Variants in CAST observed in about 807,000 individuals in gnomAD.
CAST encodes MIR583 host.
Under a neutral mutation model 119.6 loss-of-function variants are expected in CAST, and 76 were observed. The observed-to-expected ratio is 0.64, with a 90% CI of 0.53 to 0.77. The LOEUF (loss-of-function observed/expected upper bound fraction) is 0.77. CAST is among the 30% of genes least tolerant of loss of function. The probability of loss-of-function intolerance (pLI) is 0.00; values close to 1 mark genes in which losing one functional copy is unlikely to be tolerated. For missense variants in CAST, 953 were observed against 946.5 expected (o/e 1.01, Z -0.09); for synonymous variants, 319 against 331.6 (o/e 0.96, Z 0.41).
At chr5:96,004,293 C>G in the CAST span, among the ~76,000 whole-genome samples, 2 of 152,156 alleles carry the variant, frequency 1.3e-5, no homozygotes, top group Non-Finnish European at 1.5e-5. Context: ...ATGTTTATGG[C>G]TAATTTTAGC....
At chr5:96,144,750 CT>C in the CAST span, among the ~76,000 whole-genome samples, 1 of 151,808 alleles carries the variant, frequency 6.6e-6, no homozygotes, top group African/African-American at 2.4e-5. Flanking sequence ...TCACTACAAC[CT>C]CTGGGTTCAA....
chr5:96,686,481 G>A (rs890679581), intron 2 of CAST, among the ~76,000 whole-genome samples: 1 of 152,148 alleles, frequency 6.6e-6, no homozygotes, highest in Non-Finnish European at 1.5e-5. Flanking sequence ...AGTGTGGGGG[G>A]TGCAGGAAGA....
chr5:96,328,387 CT>C, the CAST span, among the ~76,000 whole-genome samples: 2 of 83,118 alleles, frequency 2.4e-5, no homozygotes, highest in Non-Finnish European at 4.3e-5. Context: ...CTCTCCCTCT[CT>C]CTCTCTCTCT....
the CAST span, among the ~76,000 whole-genome samples, chr5:96,094,404 A>C: frequency 6.6e-6 from 1 of 151,970 alleles, no homozygotes; most frequent in Non-Finnish European, 1.5e-5. Context: ...AGGACTGCAA[A>C]TCTTTTACAG....
At chr5:96,486,160 T>C in the CAST span, among the ~76,000 whole-genome samples, 1 of 152,044 alleles carries the variant, frequency 6.6e-6, no homozygotes, top group Non-Finnish European at 1.5e-5. Context: ...AGAGAGATAA[T>C]GAAAAACACT....
the CAST span, chr5:95,962,135 G>A: frequency 5.7e-6 from 2 of 352,318 alleles, no homozygotes; most frequent in Non-Finnish European, 1.0e-5. Context: ...GGCTGGCTTG[G>A]GGACTCCCCT....
At chr5:96,523,506 C>G (rs1244883914), upstream of CAST, among the ~76,000 whole-genome samples, 2 of 152,254 alleles carry the variant, frequency 1.3e-5, no homozygotes, top group African/African-American at 2.4e-5. Context: ...GTGTGCCCGA[C>G]TCTCTCTTTG....
upstream of CAST, chr5:96,662,304 C>T (rs982624915): frequency 1.7e-6 from 2 of 1,206,188 alleles, no homozygotes; most frequent in Non-Finnish European, 2.1e-6. Context: ...TTTCATCGCC[C>T]GCTCCCGGGC....
At chr5:95,969,737 T>C in the CAST span, among the ~76,000 whole-genome samples, 1 of 152,114 alleles carries the variant, frequency 6.6e-6, no homozygotes, top group Non-Finnish European at 1.5e-5. Flanking sequence ...AAGATAATAT[T>C]ATATGAAAAG....
At chr5:96,155,712 C>T in the CAST span, among the ~76,000 whole-genome samples, 1 of 152,156 alleles carries the variant, frequency 6.6e-6, no homozygotes. Context: ...CAGACTGAGT[C>T]CCATTTCTCC....
intron 1 of CAST, among the ~76,000 whole-genome samples, chr5:96,672,706 C>CAA (rs11427288): frequency 0.26 from 15,002 of 58,128 alleles, 2,414 homozygotes; most frequent in East Asian, 0.54. Flanking sequence ...GACTCAGTCT[C>CAA]AAAAAAAAAA....
the CAST span, among the ~76,000 whole-genome samples, chr5:96,498,913 C>G: frequency 6.6e-6 from 1 of 151,782 alleles, no homozygotes; most frequent in Non-Finnish European, 1.5e-5. Context: ...TATGGAGGAC[C>G]ATTCTTCTTC....
At chr5:96,564,693 C>G (rs1248117620) in intron 1 of CAST, among the ~76,000 whole-genome samples, 1 of 152,226 alleles carries the variant, frequency 6.6e-6, no homozygotes, top group Non-Finnish European at 1.5e-5. Context: ...CCGAGGTAGG[C>G]AGATCACTTG....
At chr5:95,982,267 C>T in the CAST span, among the ~76,000 whole-genome samples, 5 of 152,078 alleles carry the variant, frequency 3.3e-5, no homozygotes, top group Non-Finnish European at 7.4e-5. Context: ...ATACTGTTAA[C>T]TACAGACCTG....
At chr5:96,045,762 G>A in the CAST span, among the ~76,000 whole-genome samples, 41 of 152,158 alleles carry the variant, frequency 2.7e-4, no homozygotes, top group African/African-American at 9.2e-4. Context: ...AAGCCTAGTA[G>A]GTCTAACTTT....
the CAST span, chr5:96,432,724 G>C: frequency 2.9e-6 from 2 of 693,264 alleles, no homozygotes; most frequent in Non-Finnish European, 5.1e-6. Context: ...CGACAGGGGC[G>C]AGGGCTGGAG....
At chr5:96,637,290 A>G (rs114613344) in intron 1 of CAST, among the ~76,000 whole-genome samples, 3,236 of 152,324 alleles carry the variant, frequency 0.021, 53 homozygotes, top group Non-Finnish European at 0.033. Context: ...ATGAGAAACT[A>G]AAGCACAGGG....
the CAST span, among the ~76,000 whole-genome samples, chr5:96,040,067 C>G: frequency 6.6e-6 from 1 of 152,082 alleles, no homozygotes; most frequent in Admixed American, 6.5e-5. Context: ...GTTTGTAGTT[C>G]TCCTTGAAGA....
At chr5:96,361,162 A>G in the CAST span, among the ~76,000 whole-genome samples, 1 of 152,146 alleles carries the variant, frequency 6.6e-6, no homozygotes, top group East Asian at 1.9e-4. Context: ...AGCCTCAGTA[A>G]TGGTGGATGC....
Sources: gnomAD v4.1 joint callset for allele counts (sites outside exome capture counted in the v4.1 genomes callset) on GRCh38, gnomAD v4.1.1 for gene constraint, MANE v1.5 for transcripts, NCBI Gene and HGNC (gene_info 2026-07-23, HGNC 2026-07-21) for gene names.